The following IFI6 variants were observed in gnomAD, a reference collection of about 807,000 sequenced individuals.
IFI6 encodes the protein interferon alpha inducible protein 6.
Under a neutral mutation model 12.7 loss-of-function variants are expected in IFI6, and 10 were observed. That is an observed-to-expected ratio of 0.79 (90% confidence interval 0.49 to 1.33). The LOEUF is 1.33. Among genes scored for constraint, IFI6 ranks in the 40% most tolerant of loss-of-function variants. The pLI, the probability that IFI6 is intolerant of heterozygous loss-of-function variation, is 0.00. For synonymous variants in IFI6, 89 were observed against 86.2 expected (o/e 1.03, Z -0.18); for missense variants, 154 against 180.4 (o/e 0.85, Z 0.84).
chr1:27,671,374 C>G (rs1211715325), intron 1 of IFI6, among the ~76,000 whole-genome samples: 8 of 147,712 alleles, frequency 5.4e-5, no homozygotes, highest in African/African-American at 2.1e-4. Context: ...AATACCCAAG[C>G]CCACATTTTT....
Position 27,666,373 on chromosome 1 carries a change from G to A in IFI6, c.*8C>T. On this transcript the variant is annotated 3_prime_UTR_variant, in exon 5 of 5. Transcript: ENST00000361157. Reference sequence around the variant, plus strand: ...CAAGAAGGAAGAAGAGGTTCTGGGAGCTGCTGGCTACTCCTCATCCTCCTC... The same window carrying A: ...CAAGAAGGAAGAAGAGGTTCTGGGAACTGCTGGCTACTCCTCATCCTCCTC... 2 of 1,598,938 alleles carry A rather than the reference G, an allele frequency of 1.3e-6. No homozygotes were observed. The highest frequency in any genetic ancestry group is 1.7e-6 in the Non-Finnish European group (2 of 1,168,010).
At position 27,668,443 on chromosome 1, in the gene IFI6, G is replaced by T. The variant is rs771084731; in HGVS notation, c.148+15C>A. On this transcript the variant is annotated intron_variant, in intron 3 of 4. Coordinates refer to ENST00000361157, the MANE Select transcript of IFI6 (RefSeq NM_002038.4). ...CCCGCCCCGCCTGCCCGAGATCCTCGCCCTCCAGACCCACCTCCTCCGACG... is the reference window on the plus strand; with the variant it reads ...CCCGCCCCGCCTGCCCGAGATCCTCTCCCTCCAGACCCACCTCCTCCGACG... 1 of 1,606,628 alleles carries T rather than the reference G, an allele frequency of 6.2e-7. No homozygotes were observed. The highest frequency in any genetic ancestry group is 1.3e-5 in the African/African-American group (1 of 74,552).
chr1:27,668,165 A>T, intron 4 of IFI6, 61 bp downstream of exon 4: 1 of 1,377,152 alleles, frequency 7.3e-7, no homozygotes, highest in Non-Finnish European at 9.5e-7. Context: ...CAGTTTCCCC[A>T]GATGTATGAT....
chr1:27,669,537 A>G (rs575236350), intron 1 of IFI6, 191 bp from the exon 2 acceptor site: 44 of 537,360 alleles, frequency 8.2e-5, no homozygotes, highest in South Asian at 8.0e-4. Flanking sequence ...CCCTGCCCCA[A>G]CCGGTGGGTG....
intron 4 of IFI6, 82 bp from the exon 5 acceptor site, chr1:27,666,557 C>T (rs979492427): frequency 1.1e-6 from 1 of 946,338 alleles, no homozygotes. Context: ...TTGGTTGAGT[C>T]CAACCCCTTA....
chr1:27,671,880 T>G (rs1239625538), intron 1 of IFI6, among the ~76,000 whole-genome samples: 2 of 152,174 alleles, frequency 1.3e-5, no homozygotes, highest in Non-Finnish European at 2.9e-5. Context: ...AGGCCACAGA[T>G]CGCTGATATT....
chr1:27,668,187 TA>T (rs2090365501), intron 4 of IFI6, 38 bp downstream of exon 4: 1 of 1,439,454 alleles, frequency 6.9e-7, no homozygotes, highest in Non-Finnish European at 9.1e-7. Context: ...AAAATAATAG[TA>T]AAGAACGTCC....
chr1:27,669,326 G>A lies in IFI6; in HGVS notation c.-12C>T, dbSNP rs1348875140. 1.9e-6 allele frequency: 3 copies of A among 1,552,418 alleles called. No individual in the cohort carries two copies. Among genetic ancestry groups the A allele is most frequent in the East Asian group, 2.4e-5 (1 of 41,052 alleles). ...GCCTTCTGCCGCATGGTGGCGCCGC[G>A]CGCGGGCTCCGTCACTAGACCTGCG... On this transcript the variant is annotated 5_prime_UTR_variant, in exon 2 of 5. Coordinates refer to ENST00000361157, the MANE Select transcript of IFI6 (RefSeq NM_002038.4).
At position 27,666,312 on chromosome 1, in the gene IFI6, A is replaced by T; in HGVS notation, c.*69T>A. The T allele has an allele frequency of 5.2e-6, 4 of 769,220 alleles. No individual in the cohort carries two copies. The highest frequency in any genetic ancestry group is 2.9e-5 in the Admixed American group (1 of 34,610). The allele number at this position is 769,220 out of a possible 1,614,324, so 47.6% of individuals were successfully genotyped here. A position where few individuals can be genotyped will look rare whatever the true frequency, so the allele number is the denominator to read the frequency against. Reference sequence around the variant, plus strand: ...CTCAAAAAAAAAAAAAAAAAAAAAAAGGCAAAGTTCTAGATCCTAACTGGA... The same window carrying T: ...CTCAAAAAAAAAAAAAAAAAAAAAATGGCAAAGTTCTAGATCCTAACTGGA... On this transcript the variant is annotated 3_prime_UTR_variant, in exon 5 of 5. Coordinates refer to ENST00000361157, the MANE Select transcript of IFI6 (RefSeq NM_002038.4).
At chr1:27,667,452 G>A (rs1003610233) in intron 4 of IFI6, among the ~76,000 whole-genome samples, 4 of 152,046 alleles carry the variant, frequency 2.6e-5, no homozygotes, top group Non-Finnish European at 4.4e-5. Context: ...TTGATCAATC[G>A]ATAGAAGAGT....
chr1:27,666,478 G>A lies in IFI6; in HGVS notation c.299-3C>T, dbSNP rs2090352723. ...GACGACGCTGCTGCCACCAGCCCCT[G>A]TAAAGCAAACACAGATGAGTCACTG... is the stretch of plus-strand genomic sequence containing the variant. On this transcript the variant is annotated splice_region_variant and splice_polypyrimidine_tract_variant and intron_variant, in intron 4 of 4. Transcript: ENST00000361157. The A allele has an allele frequency of 6.2e-7, 1 of 1,611,686 alleles. No individual in the cohort carries two copies. The highest frequency in any genetic ancestry group is 8.5e-7 in the Non-Finnish European group (1 of 1,178,268).
Position 27,668,235 on chromosome 1 carries a change from G to T in IFI6, c.289C>A (p.Gln97Lys). The change falls in exon 4 of 5, where the codon CAG (glutamine) becomes AAG (lysine). Residue 97 changes from glutamine to lysine, a missense_variant. By Grantham distance (53) the Gln-to-Lys change is moderately conservative. Transcript: ENST00000361157. The stretch of plus-strand genomic sequence containing the variant: ...CAGGCCCCGCACTCACCGAGGCTCT[G>T]CAGCGTGGCCACTAGCCCCCCGGCG... ...VPAGGLVATLQSLGAGGSSVV... is the reference protein window; with the variant it reads ...VPAGGLVATLKSLGAGGSSVV... 6.4e-7 allele frequency: 1 copy of T among 1,558,658 alleles called. No homozygotes were observed.
Position 27,668,300 on chromosome 1 carries a change from A to G in IFI6, c.224T>C (p.Leu75Pro), listed in dbSNP as rs1341118380. Residue 75 changes from leucine to proline, a missense_variant, in exon 4 of 5, where the codon CTG becomes CCG. By Grantham distance (98) the Leu-to-Pro change is moderately conservative. Transcript: ENST00000361157. ...GIAANSVAAS[L>P]MSWSAILNGG... ...ATTCAGGATCGCAGACCAGCTCATC[A>G]GCGAGGCAGCCACCGAGTTGGCCGC... The G allele has an allele frequency of 1.3e-6, 2 of 1,581,638 alleles. No individual in the cohort carries two copies. The highest frequency in any genetic ancestry group is 1.7e-6 in the Non-Finnish European group (2 of 1,166,924).
chr1:27,670,561 A>G (rs2090396632), intron 1 of IFI6: 1 of 151,944 alleles, frequency 6.6e-6, no homozygotes, highest in Non-Finnish European at 1.5e-5. Context: ...TGCTGAGATT[A>G]CAGGCATCAG....
intron 4 of IFI6, 43 bp from the exon 5 acceptor site, chr1:27,666,518 G>T: frequency 1.4e-6 from 2 of 1,417,640 alleles, no homozygotes; most frequent in Non-Finnish European, 2.0e-6. Flanking sequence ...CCAAGTGCCA[G>T]GCCTGGGAAT....
At chr1:27,670,779 A>T (rs6678703) in intron 1 of IFI6, among the ~76,000 whole-genome samples, 17,173 of 152,114 alleles carry the variant, frequency 0.11, 2,044 homozygotes, top group African/African-American at 0.29. Flanking sequence ...TTCATTACAT[A>T]GGCATGACTG....
In IFI6 at chr1:27,666,289, CAAAA is replaced by C. The variant is rs10649401; in HGVS notation, c.*88_*91del. 6.2e-4 allele frequency: 158 copies of C among 255,672 alleles called. No individual in the cohort carries two copies. The highest frequency in any genetic ancestry group is 1.1e-3 in the East Asian group (12 of 11,032). The allele number at this position is 255,672 out of a possible 1,614,324, so 15.8% of individuals were successfully genotyped here. ...TGGACAATATAGTGAGAACCCATCT[CAAAA>C]AAAAAAAAAAAAAAAAAAAGGCAAA... On this transcript the variant is annotated 3_prime_UTR_variant, in exon 5 of 5. Coordinates refer to ENST00000361157, the MANE Select transcript of IFI6 (RefSeq NM_002038.4).
chr1:27,670,742 C>A (rs1421465865), intron 1 of IFI6, among the ~76,000 whole-genome samples: 1 of 152,158 alleles, frequency 6.6e-6, no homozygotes, highest in African/African-American at 2.4e-5. Flanking sequence ...CTTGTCAAAC[C>A]CTGTCCTTTT....
At chr1:27,671,186 A>T (rs910553342) in intron 1 of IFI6, among the ~76,000 whole-genome samples, 4 of 152,214 alleles carry the variant, frequency 2.6e-5, no homozygotes, top group African/African-American at 9.6e-5. Flanking sequence ...TGTATTGAGT[A>T]CTTAGCACTT....
Sources: gnomAD v4.1 joint callset for allele counts (sites outside exome capture counted in the v4.1 genomes callset) on GRCh38, gnomAD v4.1.1 for gene constraint, MANE v1.5 for transcripts, NCBI Gene and HGNC (gene_info 2026-07-23, HGNC 2026-07-21) for gene names.